The following PTPRD variants were observed in gnomAD, a reference collection of about 807,000 sequenced individuals.
The protein encoded by PTPRD is protein tyrosine phosphatase receptor type D.
In PTPRD, 34 loss-of-function variants were observed where a neutral mutation model predicts 214.5. The observed-to-expected ratio is 0.16, with a 90% CI of 0.12 to 0.21. The LOEUF (loss-of-function observed/expected upper bound fraction) is 0.21, where lower values mean the gene tolerates loss of function less well. Ranked by LOEUF, PTPRD falls within the 10% of genes least tolerant of loss-of-function variation. PTPRD has a pLI of 1.00. For synonymous variants in PTPRD, 1,128 were observed against 845.7 expected (o/e 1.33, Z -5.79); for missense variants, 2,545 against 2,398.7 (o/e 1.06, Z -1.27).
At chr9:8,925,297 G>T (rs143616919) in intron 11 of PTPRD, among the ~76,000 whole-genome samples, 4 of 152,132 alleles carry the variant, frequency 2.6e-5, no homozygotes, top group African/African-American at 9.6e-5. Context: ...GCTCTTATAG[G>T]CAGGGATGGT....
At chr9:10,371,790 AC>A (rs1466396604) in intron 2 of PTPRD, among the ~76,000 whole-genome samples, 2 of 152,084 alleles carry the variant, frequency 1.3e-5, no homozygotes, top group African/African-American at 4.8e-5. Flanking sequence ...TAGTATAGAA[AC>A]CATTTTCTTG....
intron 12 of PTPRD, among the ~76,000 whole-genome samples, chr9:8,722,019 C>A (rs1653544202): frequency 6.6e-6 from 1 of 152,206 alleles, no homozygotes; most frequent in East Asian, 1.9e-4. Flanking sequence ...GTTGTCACAA[C>A]TGGACTGTAA....
intron 7 of PTPRD, among the ~76,000 whole-genome samples, chr9:9,680,822 G>A (rs1256786096): frequency 2.0e-5 from 3 of 151,758 alleles, no homozygotes; most frequent in Admixed American, 6.6e-5. Context: ...TGCCAGCTAT[G>A]CAGACCATCC....
At chr9:9,874,480 T>C (rs80202548) in intron 5 of PTPRD, among the ~76,000 whole-genome samples, 4,607 of 152,198 alleles carry the variant, frequency 0.03, 202 homozygotes, top group African/African-American at 0.1. Flanking sequence ...GGAAGTTAAA[T>C]GTAAGCAGGA....
At chr9:8,395,880 T>C (rs1002105324) in intron 36 of PTPRD, among the ~76,000 whole-genome samples, 5 of 151,866 alleles carry the variant, frequency 3.3e-5, no homozygotes, top group Non-Finnish European at 7.4e-5. Context: ...GCAACATGAG[T>C]TGGGGAATTA....
chr9:10,105,677 C>T (rs979551803), intron 3 of PTPRD, among the ~76,000 whole-genome samples: 4 of 151,678 alleles, frequency 2.6e-5, no homozygotes, highest in African/African-American at 4.8e-5. Flanking sequence ...GTTTTTAATA[C>T]CAAAAGATGT....
At chr9:8,504,729 G>A (rs1056000150) in intron 22 of PTPRD, among the ~76,000 whole-genome samples, 2 of 152,176 alleles carry the variant, frequency 1.3e-5, no homozygotes, top group African/African-American at 4.8e-5. Context: ...TTAAATGTGT[G>A]TATGTTGCTG....
chr9:10,489,238 G>C (rs968856002), intron 2 of PTPRD, among the ~76,000 whole-genome samples: 1 of 152,124 alleles, frequency 6.6e-6, no homozygotes, highest in Non-Finnish European at 1.5e-5. Flanking sequence ...CCCTGGGTGT[G>C]TCTAGAAATG....
chr9:9,418,247 A>G, intron 8 of PTPRD, among the ~76,000 whole-genome samples: 1 of 152,006 alleles, frequency 6.6e-6, no homozygotes, highest in East Asian at 1.9e-4. Context: ...GGATCCATTC[A>G]CTTCTTGAGA....
intron 9 of PTPRD, among the ~76,000 whole-genome samples, chr9:9,393,957 T>C (rs960565979): frequency 6.6e-6 from 1 of 152,136 alleles, no homozygotes; most frequent in South Asian, 2.1e-4. Flanking sequence ...AATACTTTCC[T>C]GATAGCTAGT....
chr9:10,078,492 G>C (rs1220467349), intron 3 of PTPRD, among the ~76,000 whole-genome samples: 1 of 145,846 alleles, frequency 6.9e-6, no homozygotes, highest in African/African-American at 2.5e-5. Context: ...CTCCAGCCTG[G>C]GCGACAGACC....
chr9:8,902,492 T>C (rs1001652795), intron 11 of PTPRD, among the ~76,000 whole-genome samples: 1 of 151,860 alleles, frequency 6.6e-6, no homozygotes, highest in African/African-American at 2.4e-5. Flanking sequence ...ACAGGCAATG[T>C]GCCACCACAC....
chr9:8,439,785 T>G (rs926252270), intron 34 of PTPRD, among the ~76,000 whole-genome samples: 1 of 152,088 alleles, frequency 6.6e-6, no homozygotes, highest in South Asian at 2.1e-4. Context: ...AGATTTTGAA[T>G]GAAAAGGTAG....
At position 9,214,051 on chromosome 9, in the gene PTPRD, T is replaced by A. The variant is rs372228500; in HGVS notation, c.-202-30688A>T. 1.3e-3 allele frequency among the ~76,000 whole-genome samples: 191 copies of A among 152,318 alleles called. 1 individual carries two copies. Among genetic ancestry groups the A allele is most frequent in the Middle Eastern group, 3.4e-3 (1 of 294 alleles). ...TGTAAACATGTTCCAGTGCTTAACA[T>A]CCATCCTCCAACACCCAAACAAGAT... On this transcript the variant is annotated intron_variant, in intron 9 of 45. Coordinates refer to ENST00000381196, the MANE Select transcript of PTPRD (RefSeq NM_002839.4).
chr9:9,727,948 T>C (rs1190336094), intron 7 of PTPRD, among the ~76,000 whole-genome samples: 1 of 152,180 alleles, frequency 6.6e-6, no homozygotes, highest in Non-Finnish European at 1.5e-5. Flanking sequence ...AATCCCATCT[T>C]GAATTGTAGC....
rs1028968610 is a variant in PTPRD at position 8,316,925 on chromosome 9, G to A, written c.*949C>T. 4.3e-6 allele frequency: 1 copy of A among 231,230 alleles called. No individual in the cohort carries two copies. The highest frequency in any genetic ancestry group is 2.2e-5 in the African/African-American group (1 of 45,152). The allele number at this position is 231,230 out of a possible 1,614,324, so 14.3% of individuals were successfully genotyped here. A position where few individuals can be genotyped will look rare whatever the true frequency, so the allele number is the denominator to read the frequency against. ...ACTGATAACTGTATCTATTTTTTGT[G>A]TGGACACACTGTCTATATATACATA... is the stretch of plus-strand genomic sequence containing the variant. On this transcript the variant is annotated 3_prime_UTR_variant, in exon 46 of 46. Coordinates refer to ENST00000381196, the MANE Select transcript of PTPRD (RefSeq NM_002839.4).
At chr9:10,073,074 G>C (rs1289990289) in intron 3 of PTPRD, among the ~76,000 whole-genome samples, 1 of 152,056 alleles carries the variant, frequency 6.6e-6, no homozygotes, top group African/African-American at 2.4e-5. Context: ...CCAAAATGGT[G>C]ACAGGTAAAA....
chr9:8,749,001 G>A (rs2093222323), intron 11 of PTPRD, among the ~76,000 whole-genome samples: 1 of 135,806 alleles, frequency 7.4e-6, no homozygotes. Flanking sequence ...CAACACACAT[G>A]TGAAAATATG....
At position 8,919,333 on chromosome 9, in the gene PTPRD, A is replaced by G. The variant is rs567255195; in HGVS notation, c.-104+99364T>C. 3.3e-5 allele frequency among the ~76,000 whole-genome samples: 5 copies of G among 150,062 alleles called. No homozygotes were observed. The East Asian group carries it at 5.9e-4, about 18-fold the overall frequency. On this transcript the variant is annotated intron_variant, in intron 11 of 45. Coordinates refer to ENST00000381196, the MANE Select transcript of PTPRD (RefSeq NM_002839.4). ...GCTTGAACCTGGGGGGTGGAGGTGC[A>G]GTGAGCCGAGGCTATGCCACTGGAT...
Sources: allele counts gnomAD v4.1 joint callset (sites outside exome capture counted in the v4.1 genomes callset), GRCh38; gene constraint gnomAD v4.1.1; transcripts MANE v1.5; gene names NCBI Gene and HGNC (gene_info 2026-07-23, HGNC 2026-07-21).